The following GTF2E2 variants were observed in gnomAD, a reference collection of about 807,000 sequenced individuals.
GTF2E2 encodes the protein transcription initiation factor IIE subunit beta.
In GTF2E2, 21 loss-of-function variants were observed where a neutral mutation model predicts 40.5. The observed-to-expected ratio is 0.52, with a 90% confidence interval of 0.37 to 0.75. The LOEUF (loss-of-function observed/expected upper bound fraction) is 0.75. Ranked by LOEUF, GTF2E2 falls within the 30% of genes least tolerant of loss-of-function variation. The pLI is 0.00. For synonymous variants in GTF2E2, 117 were observed against 121.6 expected (o/e 0.96, Z 0.25); for missense variants, 298 against 338.4 (o/e 0.88, Z 0.94).
At position 30,614,598 on chromosome 8, in the gene GTF2E2, A is replaced by C. The variant is rs370799297; in HGVS notation, c.366+10T>G. On this transcript the variant is annotated intron_variant, in intron 4 of 7. Coordinates refer to ENST00000355904, the MANE Select transcript of GTF2E2 (RefSeq NM_002095.6). The stretch of plus-strand genomic sequence containing the variant: ...AGGAAATCTCTCTTGATAATCAACT[A>C]AATTCTTACCTCAGTCATTAGCCAT... 3,752 of 1,397,978 alleles carry C rather than the reference A, an allele frequency of 2.7e-3. 117 individuals are homozygous for C. In the South Asian group the frequency reaches 0.039, roughly 15 times the overall value. 86.6% of individuals were successfully genotyped at this position (1,397,978 alleles called of 1,614,324 possible).
At chr8:30,638,701 T>C (rs1371539843) in intron 2 of GTF2E2, 1 of 152,584 alleles carries the variant, frequency 6.6e-6, no homozygotes, top group Non-Finnish European at 1.5e-5. Flanking sequence ...TAGGAAAATA[T>C]TTTACCCTGA....
intron 2 of GTF2E2, among the ~76,000 whole-genome samples, chr8:30,644,273 G>A (rs1408491416): frequency 5.3e-5 from 8 of 152,210 alleles, no homozygotes; most frequent in African/African-American, 1.9e-4. Flanking sequence ...CTTCTTTTGT[G>A]AAATGGAATA....
chr8:30,591,822 T>C (rs1188947293), intron 6 of GTF2E2, among the ~76,000 whole-genome samples: 3 of 152,154 alleles, frequency 2.0e-5, no homozygotes, highest in African/African-American at 7.2e-5. Flanking sequence ...AAAACTTGTA[T>C]AGGTATGTTA....
chr8:30,579,530 T>C (rs1014764707), intron 7 of GTF2E2, among the ~76,000 whole-genome samples: 1 of 152,196 alleles, frequency 6.6e-6, no homozygotes, highest in Non-Finnish European at 1.5e-5. Flanking sequence ...CATGAAGGGC[T>C]GCAATTACAC....
chr8:30,590,522 C>T (rs1470485864), intron 6 of GTF2E2, among the ~76,000 whole-genome samples: 1 of 152,096 alleles, frequency 6.6e-6, no homozygotes, highest in African/African-American at 2.4e-5. Context: ...ACTGGACCCA[C>T]GTCTCACACC....
intron 6 of GTF2E2, among the ~76,000 whole-genome samples, chr8:30,593,458 G>A (rs186083650): frequency 6.6e-6 from 1 of 152,296 alleles, no homozygotes; most frequent in East Asian, 1.9e-4. Flanking sequence ...GGACTATTAT[G>A]TACTCTTGGA....
At chr8:30,611,155 T>C (rs1829464425) in intron 5 of GTF2E2, among the ~76,000 whole-genome samples, 1 of 152,184 alleles carries the variant, frequency 6.6e-6, no homozygotes, top group African/African-American at 2.4e-5. Flanking sequence ...TATCATATGC[T>C]ACCTGCTGTA....
intron 2 of GTF2E2, among the ~76,000 whole-genome samples, chr8:30,639,856 CT>C (rs1801751792): frequency 6.6e-6 from 1 of 151,584 alleles, no homozygotes; most frequent in Non-Finnish European, 1.5e-5. Context: ...CCAAAGGTTG[CT>C]GTAATAAGAT....
chr8:30,647,573 C>T (rs1802138493), intron 2 of GTF2E2, among the ~76,000 whole-genome samples: 1 of 152,320 alleles, frequency 6.6e-6, no homozygotes, highest in Non-Finnish European at 1.5e-5. Flanking sequence ...AAGAGTGAAA[C>T]TCCGTCTCAA....
chr8:30,608,200 TAAAG>T (rs535812726), intron 5 of GTF2E2, among the ~76,000 whole-genome samples: 201 of 152,326 alleles, frequency 1.3e-3, no homozygotes, highest in African/African-American at 4.7e-3. Context: ...ATCATAGGAA[TAAAG>T]TCTCAAGCTA....
intron 3 of GTF2E2, among the ~76,000 whole-genome samples, chr8:30,617,571 G>A (rs1800957755): frequency 6.6e-6 from 1 of 151,950 alleles, no homozygotes; most frequent in South Asian, 2.1e-4. Flanking sequence ...GCAAAACTCT[G>A]ACTCTACCAA....
chr8:30,644,451 T>C (rs1347987071), intron 2 of GTF2E2: 1 of 152,206 alleles, frequency 6.6e-6, no homozygotes, highest in Non-Finnish European at 1.5e-5. Context: ...TTCTGAAAAT[T>C]GGCATTATTT....
intron 2 of GTF2E2, among the ~76,000 whole-genome samples, chr8:30,647,083 T>C (rs986717086): frequency 6.6e-6 from 1 of 150,762 alleles, no homozygotes; most frequent in African/African-American, 2.4e-5. Flanking sequence ...TTTAATACAA[T>C]TATTGATATT....
chr8:30,609,873 T>TG (rs1829433060), intron 5 of GTF2E2, among the ~76,000 whole-genome samples: 1 of 152,168 alleles, frequency 6.6e-6, no homozygotes, highest in Non-Finnish European at 1.5e-5. Context: ...CTCTTGCTCC[T>TG]GCTCCGGCCA....
chr8:30,604,690 G>C (rs1178743624), intron 6 of GTF2E2, among the ~76,000 whole-genome samples: 1 of 152,146 alleles, frequency 6.6e-6, no homozygotes, highest in African/African-American at 2.4e-5. Context: ...TATCCATGAT[G>C]CATGTTTAAT....
At chr8:30,647,201 C>CT (rs1247680294) in intron 2 of GTF2E2, among the ~76,000 whole-genome samples, 2 of 152,022 alleles carry the variant, frequency 1.3e-5, no homozygotes, top group African/African-American at 2.4e-5. Context: ...TTATAAAAGA[C>CT]TTTTTTTAAA....
chr8:30,637,824 A>G (rs936264038), intron 2 of GTF2E2, among the ~76,000 whole-genome samples: 6 of 152,190 alleles, frequency 3.9e-5, no homozygotes, highest in African/African-American at 1.4e-4. Flanking sequence ...CCCAGCCTTC[A>G]TCTATAATTT....
rs1188174010 is a variant in GTF2E2 at position 30,645,161 on chromosome 8, G to C, written c.166+8272C>G. ...CAAAAAAATTCAAAACTACCATTTA[G>C]GCATTAATTAAGGAAGATTCATGTT... On this transcript the variant is annotated intron_variant, in intron 2 of 7. Coordinates refer to ENST00000355904, the MANE Select transcript of GTF2E2 (RefSeq NM_002095.6). The C allele has an allele frequency of 1.4e-5, 12 of 857,996 alleles. No homozygotes were observed. The South Asian group carries it at 2.1e-4, about 15-fold the overall frequency. 53.1% of individuals were successfully genotyped at this position (857,996 alleles called of 1,614,324 possible). A position where few individuals can be genotyped will look rare whatever the true frequency, so the allele number is the denominator to read the frequency against.
chr8:30,628,830 C>T (rs1801357316), intron 3 of GTF2E2, among the ~76,000 whole-genome samples: 1 of 151,744 alleles, frequency 6.6e-6, no homozygotes, highest in African/African-American at 2.4e-5. Context: ...ACTTAGGAGG[C>T]TGAGGCAGGA....
Sources: gnomAD v4.1 joint callset for allele counts (sites outside exome capture counted in the v4.1 genomes callset) on GRCh38, gnomAD v4.1.1 for gene constraint, MANE v1.5 for transcripts, NCBI Gene and HGNC (gene_info 2026-07-23, HGNC 2026-07-21) for gene names.